The following AGO2 variants were observed in gnomAD, a reference collection of about 807,000 sequenced individuals.
AGO2 encodes the protein protein argonaute-2.
In AGO2, 5 loss-of-function variants were observed where a neutral mutation model predicts 102.3. The ratio of observed to expected loss-of-function variants is 0.05; its 90% CI spans 0.03 to 0.10. AGO2 has a LOEUF of 0.10. Among genes scored for constraint, AGO2 ranks in the 10% least tolerant of loss-of-function variants. The pLI, the probability that AGO2 is intolerant of heterozygous loss-of-function variation, is 1.00. For synonymous variants in AGO2, 449 were observed against 473.1 expected (o/e 0.95, Z 0.66); for missense variants, 541 against 1,183.7 (o/e 0.46, Z 7.97).
chr8:140,578,092 C>T (rs1038496717), intron 2 of AGO2, among the ~76,000 whole-genome samples: 6 of 152,212 alleles, frequency 3.9e-5, no homozygotes, highest in Admixed American at 1.3e-4. Flanking sequence ...CCCTGGCCAC[C>T]GGCTCGCAGC....
intron 1 of AGO2, chr8:140,626,654 A>G (rs1292353696): frequency 6.6e-6 from 1 of 152,290 alleles, no homozygotes; most frequent in Non-Finnish European, 1.5e-5. Flanking sequence ...GCCTGACCTG[A>G]GCCTGCGCTC....
intron 1 of AGO2, among the ~76,000 whole-genome samples, chr8:140,634,488 C>A (rs951446654): frequency 2.6e-5 from 4 of 152,242 alleles, no homozygotes; most frequent in African/African-American, 9.6e-5. Flanking sequence ...GCGGCCAGGC[C>A]GGCCGAGAGA....
At chr8:140,604,962 T>C (rs2073977088) in intron 1 of AGO2, among the ~76,000 whole-genome samples, 1 of 152,220 alleles carries the variant, frequency 6.6e-6, no homozygotes, top group Admixed American at 6.5e-5. Context: ...TTCAGAGACA[T>C]ACACTTAAGT....
chr8:140,591,011 T>C (rs925987604), intron 1 of AGO2, among the ~76,000 whole-genome samples: 7 of 152,102 alleles, frequency 4.6e-5, no homozygotes, highest in African/African-American at 1.7e-4. Flanking sequence ...AGCTTTTGCC[T>C]TCACTCCCTT....
intron 17 of AGO2, among the ~76,000 whole-genome samples, chr8:140,533,546 C>T (rs1410137454): frequency 6.6e-6 from 1 of 152,052 alleles, no homozygotes; most frequent in Non-Finnish European, 1.5e-5. Flanking sequence ...GTGGATCATG[C>T]CTGTAATCCC....
At chr8:140,559,659 A>C in intron 5 of AGO2, 130 bp from the exon 6 acceptor site, 21 of 1,212,766 alleles carry the variant, frequency 1.7e-5, no homozygotes, top group Non-Finnish European at 2.2e-5. Flanking sequence ...CTCACTCCCT[A>C]CTGAGGCTAG....
At position 140,540,329 on chromosome 8, in the gene AGO2, G is replaced by A. The variant is rs575599463; in HGVS notation, c.2034+835C>T. On this transcript the variant is annotated intron_variant, in intron 15 of 18. Coordinates refer to ENST00000220592, the MANE Select transcript of AGO2 (RefSeq NM_012154.5). This position sits in a 1 kb window ranked among gnomAD's most constrained non-coding sequence, Gnocchi z 5.0. ...GTTCCTAAGCTCCTGGGGCAGCCAC[G>A]GAGGATGTCTTCCCACCCCACTGGG... is the stretch of plus-strand genomic sequence containing the variant. Among the ~76,000 whole-genome samples, 1 of 152,180 alleles carries A rather than the reference G, an allele frequency of 6.6e-6. No homozygotes were observed. The highest frequency in any genetic ancestry group is 2.4e-5 in the African/African-American group (1 of 41,456).
chr8:140,570,895 C>T (rs562636988), intron 3 of AGO2, among the ~76,000 whole-genome samples: 7 of 152,306 alleles, frequency 4.6e-5, no homozygotes, highest in African/African-American at 1.7e-4. Context: ...CCCTCAGCCC[C>T]TTTTCAGAAA....
intron 1 of AGO2, among the ~76,000 whole-genome samples, chr8:140,599,774 T>C (rs2073905239): frequency 6.6e-6 from 1 of 152,016 alleles, no homozygotes; most frequent in African/African-American, 2.4e-5. Flanking sequence ...CAGGCTAGAG[T>C]ACAGGGGCGC....
intron 6 of AGO2, among the ~76,000 whole-genome samples, chr8:140,559,096 G>A (rs369283989): frequency 2.0e-5 from 3 of 152,312 alleles, no homozygotes; most frequent in African/African-American, 2.4e-5. Context: ...AGGTTCCAGC[G>A]TTAGGAAATG....
upstream of AGO2, chr8:140,637,340 C>T (rs768496308): frequency 6.6e-6 from 1 of 152,224 alleles, no homozygotes; most frequent in Non-Finnish European, 1.5e-5. Flanking sequence ...GCCCGAAATC[C>T]CTGAGGCCCA....
chr8:140,538,651 G>A (rs2072739682), intron 16 of AGO2, among the ~76,000 whole-genome samples: 1 of 152,200 alleles, frequency 6.6e-6, no homozygotes, highest in South Asian at 2.1e-4. Flanking sequence ...CCTGCCGGGA[G>A]GGTCCGAGTT....
chr8:140,554,234 G>A (rs2073055363), intron 10 of AGO2, among the ~76,000 whole-genome samples: 1 of 152,180 alleles, frequency 6.6e-6, no homozygotes, highest in Admixed American at 6.5e-5. Flanking sequence ...GGGGATCACG[G>A]GCTCTTCCTC....
intron 1 of AGO2, among the ~76,000 whole-genome samples, chr8:140,621,332 T>C (rs2074215678): frequency 6.6e-6 from 1 of 152,204 alleles, no homozygotes; most frequent in South Asian, 2.1e-4. Context: ...AAGCACTTGC[T>C]TGCACTGGAG....
At chr8:140,564,570 C>A (rs934614938) in intron 3 of AGO2, among the ~76,000 whole-genome samples, 4 of 152,202 alleles carry the variant, frequency 2.6e-5, no homozygotes, top group African/African-American at 9.6e-5. Flanking sequence ...TAATCCACTT[C>A]CACTTAATGA....
intron 2 of AGO2, among the ~76,000 whole-genome samples, chr8:140,576,011 G>C (rs1010105659): frequency 9.2e-5 from 14 of 152,060 alleles, no homozygotes; most frequent in Non-Finnish European, 1.9e-4. Context: ...AGAGAGAGAG[G>C]CACCATTATA....
intron 1 of AGO2, among the ~76,000 whole-genome samples, chr8:140,594,578 A>G (rs112909068): frequency 0.014 from 2,206 of 152,158 alleles, 32 homozygotes; most frequent in Middle Eastern, 0.041. Flanking sequence ...ACTTGAGGCC[A>G]CAAGTTCGAG....
At position 140,523,335 on chromosome 8, in the gene AGO2, AG is replaced by A. The variant is rs2072446931; in HGVS notation, c.*8708del. 1 of 152,218 alleles carries A rather than the reference AG, an allele frequency of 6.6e-6. No homozygotes were observed. The highest frequency in any genetic ancestry group is 1.5e-5 in the Non-Finnish European group (1 of 68,042). The allele number at this position is 152,218 out of a possible 1,614,324, so 9.4% of individuals were successfully genotyped here. On this transcript the variant is annotated 3_prime_UTR_variant, in exon 19 of 19. Transcript: ENST00000220592. ...TTTTCATTGTGGGAGAAAATTAAGA[AG>A]GGGCAAAAATCCATCTATGGAACTT...
chr8:140,617,852 A>G (rs180956811), intron 1 of AGO2, among the ~76,000 whole-genome samples: 1 of 152,212 alleles, frequency 6.6e-6, no homozygotes. Flanking sequence ...CCCTGTCTCT[A>G]CTAAAAAATA....
Sources: gnomAD v4.1 joint callset for allele counts (sites outside exome capture counted in the v4.1 genomes callset) on GRCh38, gnomAD v4.1.1 for gene constraint, Gnocchi (gnomAD v3.1) non-coding constraint, MANE v1.5 for transcripts, NCBI Gene and HGNC (gene_info 2026-07-23, HGNC 2026-07-21) for gene names.